The following FOXN3 variants were observed in gnomAD, a reference collection of about 807,000 sequenced individuals.
FOXN3 encodes forkhead box protein N3.
FOXN3 carries 7 observed loss-of-function variants against 38.4 expected under a neutral mutation model. The observed-to-expected ratio is 0.18, with a 90% CI of 0.10 to 0.34. FOXN3 has a LOEUF of 0.34. FOXN3 is among the 10% of genes least tolerant of loss of function. FOXN3 has a pLI of 1.00. For missense variants in FOXN3, 456 were observed against 613.4 expected (o/e 0.74, Z 2.71); for synonymous variants, 230 against 242.2 (o/e 0.95, Z 0.47).
At chr14:89,401,685 C>G (rs535081249) in intron 2 of FOXN3, 1 of 455,766 alleles carries the variant, frequency 2.2e-6, no homozygotes, top group South Asian at 1.5e-5. Context: ...AAAAACAAAG[C>G]ATGTGCACAT....
Position 89,363,961 on chromosome 14 carries a change from TATATATATA to T in FOXN3, c.544-13162_544-13154del, listed in dbSNP as rs1374440092. 4.8e-4 allele frequency among the ~76,000 whole-genome samples: 7 copies of T among 14,678 alleles called. 1 individual carries two copies. The highest frequency in any genetic ancestry group is 2.3e-3 in the Admixed American group (2 of 888). The allele number at this position is 14,678 out of a possible 152,430, so 9.6% of individuals were successfully genotyped here. On this transcript the variant is annotated intron_variant, in intron 2 of 5. Transcript: ENST00000557258. ...CCTGTCTGTAAAATATATATATATA[TATATATATA>T]TATATATATATATATATAATATATA...
At chr14:89,206,928 G>T (rs1329425786) in intron 4 of FOXN3, among the ~76,000 whole-genome samples, 1 of 152,178 alleles carries the variant, frequency 6.6e-6, no homozygotes, top group African/African-American at 2.4e-5. Flanking sequence ...ATGTTTAGGG[G>T]AAGAGATTTA....
intron 1 of FOXN3, among the ~76,000 whole-genome samples, chr14:89,531,154 C>T (rs997668908): frequency 1.3e-5 from 2 of 149,422 alleles, no homozygotes; most frequent in Admixed American, 6.7e-5. Flanking sequence ...TATATATACA[C>T]ATATATATAT....
At chr14:89,301,717 G>A (rs981465023) in intron 3 of FOXN3, among the ~76,000 whole-genome samples, 15 of 151,382 alleles carry the variant, frequency 9.9e-5, no homozygotes, top group African/African-American at 2.7e-4. Flanking sequence ...GCAGTGGGCC[G>A]AGATCATGCC....
intron 4 of FOXN3, among the ~76,000 whole-genome samples, chr14:89,214,080 A>G (rs966489043): frequency 6.6e-6 from 1 of 152,248 alleles, no homozygotes; most frequent in Admixed American, 6.5e-5. Flanking sequence ...AAAGATGAAC[A>G]AATAATTCAG....
intron 3 of FOXN3, among the ~76,000 whole-genome samples, chr14:89,297,402 CA>C (rs1201276307): frequency 6.6e-6 from 1 of 151,058 alleles, no homozygotes; most frequent in African/African-American, 2.4e-5. Context: ...ACTAAAAATA[CA>C]AAAAAAATTA....
chr14:89,170,795 A>C (rs183202131), intron 5 of FOXN3, among the ~76,000 whole-genome samples: 1 of 152,216 alleles, frequency 6.6e-6, no homozygotes, highest in East Asian at 1.9e-4. Flanking sequence ...TCAAAGAAAA[A>C]ATCAAAATGG....
chr14:89,275,461 T>C (rs1468987934), intron 4 of FOXN3, among the ~76,000 whole-genome samples: 1 of 152,218 alleles, frequency 6.6e-6, no homozygotes, highest in Non-Finnish European at 1.5e-5. Flanking sequence ...GCGCTAGGTA[T>C]GCCACGTGGC....
intron 3 of FOXN3, among the ~76,000 whole-genome samples, chr14:89,284,826 C>G (rs1398101698): frequency 6.6e-6 from 1 of 152,144 alleles, no homozygotes; most frequent in Non-Finnish European, 1.5e-5. Flanking sequence ...TCCAGCTGAT[C>G]GTTAAGAGCA....
intron 1 of FOXN3, chr14:89,494,189 T>C (rs530623193): frequency 1.3e-5 from 2 of 152,348 alleles, no homozygotes; most frequent in South Asian, 4.1e-4. Context: ...AAGCTACTAT[T>C]TCTGCAACTG....
intron 3 of FOXN3, among the ~76,000 whole-genome samples, chr14:89,307,444 T>C (rs1334004079): frequency 6.6e-6 from 1 of 152,098 alleles, no homozygotes; most frequent in Non-Finnish European, 1.5e-5. Context: ...GAGAGGAATA[T>C]GGAATCAATT....
intron 3 of FOXN3, among the ~76,000 whole-genome samples, chr14:89,287,441 G>A (rs992907905): frequency 7.9e-5 from 12 of 151,946 alleles, no homozygotes; most frequent in East Asian, 1.9e-4. Flanking sequence ...TGTGAGCCAC[G>A]CCCAGCCCCA....
chr14:89,246,804 G>A (rs1885313630), intron 4 of FOXN3, among the ~76,000 whole-genome samples: 1 of 152,070 alleles, frequency 6.6e-6, no homozygotes. Context: ...CTCCCAAAGT[G>A]CTGGGATTAC....
chr14:89,397,933 C>CT lies in FOXN3; in HGVS notation c.543+14000dup, dbSNP rs1475885265. On this transcript the variant is annotated intron_variant, in intron 2 of 5. Transcript: ENST00000557258. ...CCCACTTTCACACTCAGTCTTCCCC[C>CT]TTATGCGTCCCTACCTCTGGACAAG... is the stretch of plus-strand genomic sequence containing the variant. 2.0e-5 allele frequency among the ~76,000 whole-genome samples: 3 copies of CT among 152,310 alleles called. No individual in the cohort carries two copies. The East Asian group carries it at 5.8e-4, about 29-fold the overall frequency.
intron 2 of FOXN3, among the ~76,000 whole-genome samples, chr14:89,371,607 A>G (rs1890320991): frequency 1.3e-5 from 2 of 152,062 alleles, no homozygotes; most frequent in Middle Eastern, 3.4e-3. Flanking sequence ...TGCCCCGCAG[A>G]GCACCTCTTT....
chr14:89,408,275 A>ATT (rs558572660), intron 2 of FOXN3, among the ~76,000 whole-genome samples: 15 of 144,952 alleles, frequency 1.0e-4, no homozygotes, highest in Admixed American at 9.0e-4. Flanking sequence ...GAAAACGGGA[A>ATT]TTTTTTTTTT....
intron 1 of FOXN3, among the ~76,000 whole-genome samples, chr14:89,570,248 C>T (rs574518455): frequency 6.6e-6 from 1 of 152,292 alleles, no homozygotes; most frequent in Admixed American, 6.5e-5. Flanking sequence ...ATCCGCCTGC[C>T]TCAGCCTCCC....
chr14:89,493,364 C>T lies in FOXN3; in HGVS notation c.-14-80874G>A, dbSNP rs575723965. Among the ~76,000 whole-genome samples the T allele has an allele frequency of 5.3e-5, 8 of 152,242 alleles. No homozygotes were observed. The East Asian group carries it at 1.4e-3, about 26-fold the overall frequency. On this transcript the variant is annotated intron_variant, in intron 1 of 6. Transcript: ENST00000345097. Reference sequence around the variant, plus strand: ...TTAACCTAATACCTAGGCTGCTATTCAAAAGTAGGGGTCTAGCAGGCAAAT... The same window carrying T: ...TTAACCTAATACCTAGGCTGCTATTTAAAAGTAGGGGTCTAGCAGGCAAAT...
intron 4 of FOXN3, among the ~76,000 whole-genome samples, chr14:89,258,082 C>G (rs1364956588): frequency 6.6e-6 from 1 of 152,132 alleles, no homozygotes; most frequent in African/African-American, 2.4e-5. Flanking sequence ...CACACACACA[C>G]GCACTAGAGC....
Sources: allele counts gnomAD v4.1 joint callset (sites outside exome capture counted in the v4.1 genomes callset), GRCh38; gene constraint gnomAD v4.1.1; transcripts MANE v1.5; gene names NCBI Gene and HGNC (gene_info 2026-07-23, HGNC 2026-07-21).